OC90: variants seen among roughly 807,000 people sequenced by gnomAD.
OC90 encodes otoconin-90.
OC90 carries 46 observed loss-of-function variants against 47.3 expected under a neutral mutation model. The ratio of observed to expected loss-of-function variants is 0.97; its 90% confidence interval spans 0.77 to 1.24. The LOEUF (loss-of-function observed/expected upper bound fraction) is 1.24. OC90 is among the 50% of genes most tolerant of loss of function. The pLI is 0.00. For missense variants in OC90, 688 were observed against 583.9 expected, an observed-to-expected ratio of 1.18 and a Z score of -1.84; for synonymous variants, 271 against 219.5, an observed-to-expected ratio of 1.23 and a Z score of -2.07.
chr8:132,028,271 A>AGGTG (rs1240700592), intron 13 of OC90, among the ~76,000 whole-genome samples: 18 of 152,056 alleles, frequency 1.2e-4, no homozygotes, highest in Admixed American at 1.2e-3. Context: ...TGGGAGGCCG[A>AGGTG]GGTGGGCAGA....
At chr8:132,030,982 G>A (rs1822865515) in intron 12 of OC90, among the ~76,000 whole-genome samples, 1 of 152,052 alleles carries the variant, frequency 6.6e-6, no homozygotes, top group Non-Finnish European at 1.5e-5. Context: ...ATTTTGCTTT[G>A]GCAACCATAC....
chr8:132,036,325 T>C lies in OC90; in HGVS notation c.679+1113A>G, dbSNP rs749978984. The stretch of plus-strand genomic sequence containing the variant: ...GATTTTTAGATATTTGAAATATTTC[T>C]CCACTGGATTCCAGGCTGTCCTTTT... On this transcript the variant is annotated intron_variant, in intron 9 of 13. Coordinates refer to ENST00000254627, the MANE Select transcript of OC90 (RefSeq NM_001080399.3). 5 of 780,412 alleles carry C rather than the reference T, an allele frequency of 6.4e-6. No individual in the cohort carries two copies. In the East Asian group the frequency reaches 9.7e-5, roughly 15 times the overall value. 48.3% of individuals were successfully genotyped at this position (780,412 alleles called of 1,614,324 possible). A position where few individuals can be genotyped will look rare whatever the true frequency, so the allele number is the denominator to read the frequency against.
At chr8:132,044,569 T>C in intron 3 of OC90, 80 bp from the exon 4 acceptor site, 1 of 787,428 alleles carries the variant, frequency 1.3e-6, no homozygotes, top group South Asian at 1.5e-5. Context: ...AGGTAAAGTG[T>C]ACATAAAACC....
At position 132,037,466 on chromosome 8, in the gene OC90, G is replaced by A. The variant is rs781523842; in HGVS notation, c.651C>T (p.Asp217=). The part of the protein sequence containing the change: ...LPRVVPVEPT[D]TSLTALSGEE... Reference sequence around the variant, plus strand: ...CTCCTGAAAGGGCTGTCAGGCTGGTGTCTGTGGGCTCCACAGGAACCACTG... The same window carrying A: ...CTCCTGAAAGGGCTGTCAGGCTGGTATCTGTGGGCTCCACAGGAACCACTG... The change falls in exon 9 of 14, where the codon GAC becomes GAT. Residue 217 remains aspartate (D), a synonymous_variant. Transcript: ENST00000254627. 2 of 1,582,416 alleles carry A rather than the reference G, an allele frequency of 1.3e-6. No homozygotes were observed. The highest frequency in any genetic ancestry group is 1.7e-6 in the Non-Finnish European group (2 of 1,162,968).
At chr8:132,041,261 C>T in intron 5 of OC90, 105 bp from the exon 6 acceptor site, 1 of 752,278 alleles carries the variant, frequency 1.3e-6, no homozygotes, top group Non-Finnish European at 2.3e-6. Flanking sequence ...TGGCAGTGGT[C>T]TATTTTAAAT....
At position 132,034,811 on chromosome 8, in the gene OC90, C is replaced by T. The variant is rs754289522; in HGVS notation, c.703G>A (p.Val235Met). ...GGGGACGTAGCCCTAGCAGCTCCCA[C>T]TCCTTCCTGATCGTGGCCTGCTTCT... is the stretch of plus-strand genomic sequence containing the variant. ...GEEAGHDQEG[V>M]GAARATSPPG... The change falls in exon 10 of 14, where the codon GTG becomes ATG. Residue 235 changes from valine (V) to methionine (M), a missense_variant. Transcript: ENST00000254627. The T allele has an allele frequency of 6.2e-7, 1 of 1,612,820 alleles. No homozygotes were observed. Among genetic ancestry groups the T allele is most frequent in the Non-Finnish European group, 8.5e-7 (1 of 1,179,098 alleles).
chr8:132,047,080 A>G (rs1376349507), intron 2 of OC90, among the ~76,000 whole-genome samples: 1 of 152,226 alleles, frequency 6.6e-6, no homozygotes, highest in Non-Finnish European at 1.5e-5. Context: ...TTCTTCTGAT[A>G]AAACTCATTC....
chr8:132,030,266 T>C (rs16904575), intron 12 of OC90, among the ~76,000 whole-genome samples: 1 of 152,234 alleles, frequency 6.6e-6, no homozygotes, highest in South Asian at 2.1e-4. Context: ...TTGTCCATCA[T>C]GTACAGTATA....
intron 1 of OC90, among the ~76,000 whole-genome samples, chr8:132,058,465 G>A (rs1379000374): frequency 6.6e-6 from 1 of 152,180 alleles, no homozygotes; most frequent in Non-Finnish European, 1.5e-5. Context: ...TCCCCTAGCT[G>A]TCTCCCAATG....
Position 132,055,063 on chromosome 8 carries a change from G to A in OC90, c.-37C>T. The A allele has an allele frequency of 6.5e-7, 1 of 1,531,856 alleles. No individual in the cohort carries two copies. Among genetic ancestry groups the A allele is most frequent in the East Asian group, 2.5e-5 (1 of 40,800 alleles). 94.9% of individuals were successfully genotyped at this position (1,531,856 alleles called of 1,614,324 possible). ...AAAGGATGGGGCTTAGGCAGCAACT[G>A]GAACGGACTCCTGGGAGAGAAGCCA... On this transcript the variant is annotated 5_prime_UTR_variant, in exon 2 of 14. Coordinates refer to ENST00000254627, the MANE Select transcript of OC90 (RefSeq NM_001080399.3).
Position 132,044,286 on chromosome 8 carries a change from G to A in OC90, c.169+147C>T, listed in dbSNP as rs79169197. 1.7e-3 allele frequency: 1,050 copies of A among 621,394 alleles called. 14 individuals are homozygous for A. Among genetic ancestry groups the A allele is most frequent in the African/African-American group, 0.016 (858 of 54,200 alleles). 38.5% of individuals were successfully genotyped at this position (621,394 alleles called of 1,614,324 possible). On this transcript the variant is annotated intron_variant, in intron 4 of 13. Transcript: ENST00000254627. ...TGCAATAAAAGACACCACTACTCTC[G>A]TCGGAACTTGGGTCTCCTTGTTGGG... is the stretch of plus-strand genomic sequence containing the variant.
At chr8:132,056,251 A>G (rs1823277812) in intron 1 of OC90, among the ~76,000 whole-genome samples, 1 of 152,122 alleles carries the variant, frequency 6.6e-6, no homozygotes, top group Non-Finnish European at 1.5e-5. Flanking sequence ...TTGTTCTCCC[A>G]GAGACCAAGA....
intron 4 of OC90, among the ~76,000 whole-genome samples, chr8:132,043,355 G>A (rs968659485): frequency 5.3e-5 from 8 of 152,216 alleles, no homozygotes; most frequent in Admixed American, 2.6e-4. Context: ...AAGTAAACTT[G>A]CTTTACATTT....
intron 1 of OC90, among the ~76,000 whole-genome samples, chr8:132,057,464 C>T (rs1437262882): frequency 2.6e-5 from 4 of 152,232 alleles, no homozygotes; most frequent in East Asian, 1.9e-4. Context: ...TTTGACTATG[C>T]TCTAATTTAT....
chr8:132,058,077 T>C (rs1021047373), intron 1 of OC90, among the ~76,000 whole-genome samples: 1 of 152,182 alleles, frequency 6.6e-6, no homozygotes, highest in African/African-American at 2.4e-5. Flanking sequence ...TGCTAGGGTG[T>C]GGTGAAACAC....
At position 132,041,080 on chromosome 8, in the gene OC90, T is replaced by C; in HGVS notation, c.421A>G (p.Thr141Ala). The C allele has an allele frequency of 1.9e-6, 3 of 1,612,878 alleles. No homozygotes were observed. Among genetic ancestry groups the C allele is most frequent in the Non-Finnish European group, 2.5e-6 (3 of 1,178,848 alleles). The change falls in exon 6 of 14, where the codon ACA becomes GCA. Residue 141 changes from threonine (T) to alanine (A), a missense_variant. By Grantham distance (58) the Thr-to-Ala change is moderately conservative. Transcript: ENST00000254627. ...DCLQDPAKLS[T>A]EVNCVSKKII... is the part of the protein sequence containing the mutation. ...TTCTTGCTGACACAATTGACCTCTG[T>C]GCTAAGTTTGGCGGGGTCTTGGAGA...
At chr8:132,056,804 T>C (rs1051791975) in intron 1 of OC90, among the ~76,000 whole-genome samples, 4 of 152,174 alleles carry the variant, frequency 2.6e-5, no homozygotes, top group African/African-American at 9.6e-5. Flanking sequence ...CCCACATGAA[T>C]GGGTCCAACA....
chr8:132,047,303 C>T (rs551085836), intron 2 of OC90, among the ~76,000 whole-genome samples: 37 of 147,636 alleles, frequency 2.5e-4, no homozygotes, highest in Non-Finnish European at 4.8e-4. Flanking sequence ...CTTATTAATG[C>T]GTATTTTTAA....
intron 6 of OC90, among the ~76,000 whole-genome samples, 171 bp from the exon 7 acceptor site, chr8:132,039,294 G>A (rs1484437296): frequency 6.6e-6 from 1 of 151,956 alleles, no homozygotes; most frequent in Non-Finnish European, 1.5e-5. Flanking sequence ...AGACCCAAAC[G>A]AGGTCCATAC....
Sources: allele counts gnomAD v4.1 joint callset (sites outside exome capture counted in the v4.1 genomes callset), GRCh38; gene constraint gnomAD v4.1.1; transcripts MANE v1.5; gene names NCBI Gene and HGNC (gene_info 2026-07-23, HGNC 2026-07-21).